CDH2: variants seen among roughly 807,000 people sequenced by gnomAD.
The protein encoded by CDH2 is cadherin-2.
In CDH2, 17 loss-of-function variants were observed where a neutral mutation model predicts 92.0. The observed-to-expected ratio is 0.18, with a 90% CI of 0.13 to 0.28. The LOEUF is 0.28. Among genes scored for constraint, CDH2 ranks in the 10% least tolerant of loss-of-function variants. The probability of loss-of-function intolerance (pLI) is 1.00; values close to 1 mark genes in which losing one functional copy is unlikely to be tolerated. For synonymous variants in CDH2, 419 were observed against 415.9 expected (o/e 1.01, Z -0.09); for missense variants, 862 against 1,133.1 (o/e 0.76, Z 3.44).
At chr18:27,934,855 T>C (rs1020899932) in intron 6 of CDH2, among the ~76,000 whole-genome samples, 1 of 152,214 alleles carries the variant, frequency 6.6e-6, no homozygotes, top group Non-Finnish European at 1.5e-5. Flanking sequence ...CAATTGATGA[T>C]ATCTTTCCTT....
Position 27,952,109 on chromosome 18 carries a change from T to G in CDH2, c.*44A>C. Reference sequence around the variant, plus strand: ...CTGAATGCTTTTTGGGAATATCAGTTGAAATTGTTTGTACTTGTCCAAAAA... The same window carrying G: ...CTGAATGCTTTTTGGGAATATCAGTGGAAATTGTTTGTACTTGTCCAAAAA... On this transcript the variant is annotated 3_prime_UTR_variant, in exon 16 of 16. Coordinates refer to ENST00000269141, the MANE Select transcript of CDH2 (RefSeq NM_001792.5). The G allele has an allele frequency of 6.7e-7, 1 of 1,496,824 alleles. No individual in the cohort carries two copies. The highest frequency in any genetic ancestry group is 9.3e-7 in the Non-Finnish European group (1 of 1,074,248). The allele number at this position is 1,496,824 out of a possible 1,614,324, so 92.7% of individuals were successfully genotyped here. A position where few individuals can be genotyped will look rare whatever the true frequency, so the allele number is the denominator to read the frequency against.
intron 1 of CDH2, among the ~76,000 whole-genome samples, chr18:28,158,290 T>C (rs570501538): frequency 1.3e-5 from 2 of 152,324 alleles, no homozygotes; most frequent in Non-Finnish European, 2.9e-5. Context: ...CCTGAACTTA[T>C]TCTGGAAGCA....
At chr18:28,043,495 AATATATATATATATATATAT>A (rs369458635) in intron 2 of CDH2, among the ~76,000 whole-genome samples, 2 of 87,402 alleles carry the variant, frequency 2.3e-5, no homozygotes, top group South Asian at 3.3e-4. Flanking sequence ...TATATATATA[AATATATATATATATATATAT>A]AAACAGGTTT....
chr18:28,063,676 C>G (rs1018056244), intron 2 of CDH2, among the ~76,000 whole-genome samples: 1 of 152,162 alleles, frequency 6.6e-6, no homozygotes, highest in Non-Finnish European at 1.5e-5. Flanking sequence ...AAGTTTGAAC[C>G]CGGTAATGAT....
At chr18:27,938,599 C>T (rs1909071862) in intron 6 of CDH2, among the ~76,000 whole-genome samples, 1 of 152,156 alleles carries the variant, frequency 6.6e-6, no homozygotes, top group Non-Finnish European at 1.5e-5. Flanking sequence ...AAAGATGCTA[C>T]TTGTGACTAT....
In CDH2 at chr18:28,177,044, G is replaced by C. The variant is rs1160340337; in HGVS notation, c.-22C>G. Reference sequence around the variant, plus strand: ...ACATGGAGGCGGAGAGGGGCCGAGCGAAGAGCCGGAGGAGGCGGCGGCGGC... The same window carrying C: ...ACATGGAGGCGGAGAGGGGCCGAGCCAAGAGCCGGAGGAGGCGGCGGCGGC... On this transcript the variant is annotated 5_prime_UTR_variant, in exon 1 of 16. Transcript: ENST00000269141. 2 of 1,484,280 alleles carry C rather than the reference G, an allele frequency of 1.3e-6. No individual in the cohort carries two copies. The highest frequency in any genetic ancestry group is 1.8e-6 in the Non-Finnish European group (2 of 1,120,228). The allele number at this position is 1,484,280 out of a possible 1,614,324, so 91.9% of individuals were successfully genotyped here. A position where few individuals can be genotyped will look rare whatever the true frequency, so the allele number is the denominator to read the frequency against.
rs1165674238 is a variant in CDH2 at position 27,990,091 on chromosome 18, T to G, written c.1598+6A>C. 1 of 1,612,420 alleles carries G rather than the reference T, an allele frequency of 6.2e-7. No homozygotes were observed. Among genetic ancestry groups the G allele is most frequent in the East Asian group, 2.2e-5 (1 of 44,844 alleles). ...CTACAAAAACACTACAAACAGCATT[T>G]CATACCTAATATTTTGCTGCATATA... On this transcript the variant is annotated splice_donor_region_variant and intron_variant, in intron 10 of 15. Transcript: ENST00000269141.
intron 2 of CDH2, among the ~76,000 whole-genome samples, chr18:28,116,098 G>A (rs1014331213): frequency 2.6e-5 from 4 of 152,168 alleles, no homozygotes; most frequent in African/African-American, 9.6e-5. Flanking sequence ...GGTCAGGAAT[G>A]CTGCTAAACA....
intron 2 of CDH2, among the ~76,000 whole-genome samples, chr18:28,044,830 A>T (rs1464725485): frequency 6.8e-6 from 1 of 146,344 alleles, no homozygotes; most frequent in Non-Finnish European, 1.5e-5. Flanking sequence ...TGAAGATTTT[A>T]AAAAGATAAT....
chr18:27,961,875 G>A (rs1200235947), intron 15 of CDH2, among the ~76,000 whole-genome samples: 2 of 152,022 alleles, frequency 1.3e-5, no homozygotes, highest in African/African-American at 4.8e-5. Context: ...TGAGGCAGGA[G>A]GATCATTTGA....
At chr18:27,996,454 A>ATC (rs2012584430) in intron 7 of CDH2, among the ~76,000 whole-genome samples, 2 of 152,196 alleles carry the variant, frequency 1.3e-5, no homozygotes, top group Non-Finnish European at 2.9e-5. Context: ...CCTTGCCTAG[A>ATC]ATACCATTCC....
chr18:27,990,664 TA>T (rs2143969827), intron 9 of CDH2, among the ~76,000 whole-genome samples: 1 of 152,306 alleles, frequency 6.6e-6, no homozygotes, highest in South Asian at 2.1e-4. Flanking sequence ...CATTGTTGAC[TA>T]AAAATACTAA....
rs2014756729 is a variant in CDH2, at chr18:28,077,952, T to C, written c.173-64043A>G. Among the ~76,000 whole-genome samples the C allele has an allele frequency of 2.0e-5, 3 of 150,838 alleles. No homozygotes were observed. In the South Asian group the frequency reaches 6.3e-4, roughly 32 times the overall value. On this transcript the variant is annotated intron_variant, in intron 2 of 15. Coordinates refer to ENST00000269141, the MANE Select transcript of CDH2 (RefSeq NM_001792.5). ...AGGAAAAGTGAACATCATTAACATT[T>C]AAGCTTTGCAAAATCTGGATACCAA...
intron 2 of CDH2, among the ~76,000 whole-genome samples, chr18:28,055,419 T>G (rs1005710881): frequency 2.0e-5 from 3 of 152,136 alleles, no homozygotes; most frequent in African/African-American, 7.2e-5. Context: ...GGCTTGAAAT[T>G]TGACTACAGT....
intron 1 of CDH2, among the ~76,000 whole-genome samples, chr18:28,155,865 G>A (rs568972625): frequency 6.6e-6 from 1 of 152,268 alleles, no homozygotes; most frequent in South Asian, 2.1e-4. Flanking sequence ...GACTATTCAA[G>A]AGCTACTGCC....
chr18:28,125,820 G>C (rs1427449796), intron 2 of CDH2, among the ~76,000 whole-genome samples: 1 of 151,972 alleles, frequency 6.6e-6, no homozygotes, highest in Non-Finnish European at 1.5e-5. Context: ...ACAATCCAGA[G>C]ATCAGTACTC....
intron 2 of CDH2, among the ~76,000 whole-genome samples, chr18:28,072,565 G>A (rs893032875): frequency 3.3e-5 from 5 of 150,218 alleles, no homozygotes; most frequent in African/African-American, 9.7e-5. Flanking sequence ...CCTCTACAAT[G>A]CAGCAAGTAA....
chr18:28,149,427 T>A (rs1489003486), intron 1 of CDH2, among the ~76,000 whole-genome samples: 1 of 152,236 alleles, frequency 6.6e-6, no homozygotes, highest in African/African-American at 2.4e-5. Context: ...TTAAGTTCCA[T>A]GTATGATTAA....
At chr18:28,110,893 C>T (rs774914891) in intron 2 of CDH2, among the ~76,000 whole-genome samples, 3 of 152,018 alleles carry the variant, frequency 2.0e-5, no homozygotes, top group South Asian at 2.1e-4. Context: ...TGGTTCTCTT[C>T]GCCAAGCCAC....
Sources: gnomAD v4.1 joint callset for allele counts (sites outside exome capture counted in the v4.1 genomes callset) on GRCh38, gnomAD v4.1.1 for gene constraint, MANE v1.5 for transcripts, NCBI Gene and HGNC (gene_info 2026-07-23, HGNC 2026-07-21) for gene names.